The following FAM90A20 variants were observed in gnomAD, a reference collection of about 807,000 sequenced individuals.
FAM90A20 encodes family with sequence similarity 90 member A20, also known as protein FAM90A20.
the FAM90A20 span, chr8:7,297,840 G>C: frequency 1.0e-6 from 1 of 965,536 alleles, no homozygotes; most frequent in East Asian, 2.4e-5. Flanking sequence ...AACGGACGCT[G>C]GAGCTCCAGC....
At chr8:7,295,509 C>A in the FAM90A20 span, 4 of 548,290 alleles carry the variant, frequency 7.3e-6, 1 homozygote, top group East Asian at 9.6e-5. Context: ...GGCCCCCATG[C>A]CGGTGTCCCC....
At chr8:7,297,837 G>T in the FAM90A20 span, 11 of 988,534 alleles carry the variant, frequency 1.1e-5, no homozygotes, top group South Asian at 1.3e-4. Flanking sequence ...GAAAACGGAC[G>T]CTGGAGCTCC....
At chr8:7,297,241 AG>A in the FAM90A20 span, 1 of 1,490,652 alleles carries the variant, frequency 6.7e-7, no homozygotes, top group East Asian at 2.3e-5. Flanking sequence ...AAAGACAGAC[AG>A]GGGCTGCCGC....
chr8:7,297,330 AG>A, the FAM90A20 span: 1 of 1,369,406 alleles, frequency 7.3e-7, no homozygotes, highest in South Asian at 1.2e-5. Flanking sequence ...AGCAGCCCTG[AG>A]GGTAGCTGCC....
chr8:7,298,006 C>G, the FAM90A20 span: 22 of 676,934 alleles, frequency 3.2e-5, no homozygotes, highest in East Asian at 5.9e-4. Flanking sequence ...CAGAGGACAG[C>G]GATTCTGACC....
chr8:7,296,980 C>T, the FAM90A20 span: 4 of 1,200,706 alleles, frequency 3.3e-6, no homozygotes, highest in Non-Finnish European at 4.6e-6. Flanking sequence ...ATGGTGTGTG[C>T]ACCTTGTCTT....
chr8:7,296,752 C>T, the FAM90A20 span, among the ~76,000 whole-genome samples: 1 of 135,446 alleles, frequency 7.4e-6, no homozygotes, highest in South Asian at 2.2e-4. Context: ...AACCTGCCTT[C>T]GGAAAGCCAT....
At chr8:7,297,197 A>C in the FAM90A20 span, 2 of 1,536,210 alleles carry the variant, frequency 1.3e-6, 1 homozygote, top group Non-Finnish European at 1.8e-6. Flanking sequence ...CAGAAAAGCC[A>C]GTCTGAGCTC....
chr8:7,296,688 A>C, the FAM90A20 span, among the ~76,000 whole-genome samples: 1 of 135,572 alleles, frequency 7.4e-6, no homozygotes, highest in Admixed American at 6.9e-5. Flanking sequence ...AGAAGGCTAA[A>C]CCCAGGAACA....
chr8:7,296,829 T>A, the FAM90A20 span, among the ~76,000 whole-genome samples: 9 of 136,354 alleles, frequency 6.6e-5, 1 homozygote, highest in South Asian at 1.1e-3. Flanking sequence ...CAAGACGCAA[T>A]CTTTTGAACA....
chr8:7,296,951 A>G, the FAM90A20 span: 1 of 962,096 alleles, frequency 1.0e-6, no homozygotes, highest in Admixed American at 2.1e-5. Flanking sequence ...CCGCCTGTCG[A>G]TACTGTACTA....
At chr8:7,297,156 G>T in the FAM90A20 span, 1 of 1,531,000 alleles carries the variant, frequency 6.5e-7, no homozygotes, top group Non-Finnish European at 8.8e-7. Context: ...ATGTCTGGCA[G>T]GGGCTCCGTC....
chr8:7,297,065 G>T, the FAM90A20 span: 2 of 1,503,206 alleles, frequency 1.3e-6, no homozygotes. Context: ...CTTTCAGGTT[G>T]CAAGGGGGCC....
the FAM90A20 span, chr8:7,295,701 A>T: frequency 1.4e-6 from 1 of 736,822 alleles, no homozygotes; most frequent in Admixed American, 1.8e-5. Flanking sequence ...AAGTGCTGGA[A>T]GGCAGCCCTG....
chr8:7,296,010 G>A, the FAM90A20 span, among the ~76,000 whole-genome samples: 39 of 128,850 alleles, frequency 3.0e-4, 10 homozygotes, highest in African/African-American at 1.6e-3. Context: ...TGGGCTCTGG[G>A]AGATTCAGGG....
chr8:7,297,382 C>G, the FAM90A20 span: 667 of 1,505,634 alleles, frequency 4.4e-4, 61 homozygotes, highest in Middle Eastern at 1.2e-3. Context: ...ACGGCCTGCT[C>G]CAGGCCGTCA....
chr8:7,297,453 C>T, the FAM90A20 span: 3 of 1,552,936 alleles, frequency 1.9e-6, no homozygotes, highest in Non-Finnish European at 2.6e-6. Flanking sequence ...TCAGCCGCCA[C>T]ACACAGCTTG....
At chr8:7,296,759 C>A in the FAM90A20 span, among the ~76,000 whole-genome samples, 1 of 134,008 alleles carries the variant, frequency 7.5e-6, no homozygotes, top group Non-Finnish European at 1.5e-5. Context: ...CTTCGGAAAG[C>A]CATTAGTCCG....
At chr8:7,296,067 G>T in the FAM90A20 span, among the ~76,000 whole-genome samples, 8 of 130,538 alleles carry the variant, frequency 6.1e-5, 3 homozygotes, top group Admixed American at 2.8e-4. Flanking sequence ...ACGACAGGGG[G>T]AAAAGCAATG....
Sources: gnomAD v4.1 joint callset for allele counts (sites outside exome capture counted in the v4.1 genomes callset) on GRCh38, gnomAD v4.1.1 for gene constraint, MANE v1.5 for transcripts, NCBI Gene and HGNC (gene_info 2026-07-23, HGNC 2026-07-21) for gene names.